MAGI1: variants seen among roughly 807,000 people sequenced by gnomAD.
MAGI1 encodes membrane associated guanylate kinase, WW and PDZ domain containing 1, also known as membrane-associated guanylate kinase, WW and PDZ domain-containing protein 1.
A neutral mutation model predicts 139.9 loss-of-function variants in MAGI1; 58 were observed. The ratio of observed to expected loss-of-function variants is 0.41; its 90% confidence interval spans 0.34 to 0.52. The LOEUF (loss-of-function observed/expected upper bound fraction) is 0.52. Ranked by LOEUF, MAGI1 falls within the 20% of genes least tolerant of loss-of-function variation. The pLI is 0.12. For synonymous variants in MAGI1, 812 were observed against 737.9 expected (o/e 1.10, Z -1.63); for missense variants, 1,874 against 1,901.6 (o/e 0.99, Z 0.27).
At chr3:65,652,690 A>G (rs1350333178) in intron 1 of MAGI1, among the ~76,000 whole-genome samples, 1 of 152,186 alleles carries the variant, frequency 6.6e-6, no homozygotes, top group Non-Finnish European at 1.5e-5. Flanking sequence ...GACTGTCACC[A>G]TTTAGCTTCC....
intron 1 of MAGI1, among the ~76,000 whole-genome samples, chr3:65,910,441 T>G (rs1001913972): frequency 6.6e-6 from 1 of 152,140 alleles, no homozygotes; most frequent in South Asian, 2.1e-4. Context: ...CAAGCACCCT[T>G]GAAAATCAAT....
intron 1 of MAGI1, among the ~76,000 whole-genome samples, chr3:66,024,392 G>A (rs1211481077): frequency 2.7e-5 from 4 of 150,594 alleles, no homozygotes; most frequent in Admixed American, 2.0e-4. Context: ...AGAAACACCG[G>A]GCCAATGTTC....
intron 1 of MAGI1, among the ~76,000 whole-genome samples, chr3:65,646,472 C>G (rs1559751330): frequency 6.6e-6 from 1 of 152,122 alleles, no homozygotes; most frequent in Non-Finnish European, 1.5e-5. Flanking sequence ...ACATCTCTCT[C>G]TCTTTCTCTC....
intron 12 of MAGI1, among the ~76,000 whole-genome samples, chr3:65,426,501 T>C (rs1947053403): frequency 6.6e-6 from 1 of 152,176 alleles, no homozygotes; most frequent in South Asian, 2.1e-4. Flanking sequence ...CAGGAATTCC[T>C]GAGACTCATG....
intron 1 of MAGI1, among the ~76,000 whole-genome samples, chr3:65,733,367 G>A (rs1323726710): frequency 6.6e-6 from 1 of 152,080 alleles, no homozygotes; most frequent in Non-Finnish European, 1.5e-5. Context: ...GCTGTGTTTT[G>A]TGTTTTTAAA....
intron 2 of MAGI1, among the ~76,000 whole-genome samples, chr3:65,578,439 G>T (rs1270584722): frequency 2.6e-5 from 4 of 152,114 alleles, no homozygotes; most frequent in Non-Finnish European, 4.4e-5. Flanking sequence ...AACATTTTTT[G>T]CAGGTTCCAA....
chr3:65,563,736 A>G (rs908956211), intron 2 of MAGI1, among the ~76,000 whole-genome samples: 3 of 152,146 alleles, frequency 2.0e-5, no homozygotes, highest in Non-Finnish European at 2.9e-5. Flanking sequence ...CTAAGATTCA[A>G]TGTTCTCTTC....
chr3:65,888,578 G>A (rs1316715275), intron 1 of MAGI1, among the ~76,000 whole-genome samples: 1 of 152,074 alleles, frequency 6.6e-6, no homozygotes, highest in Non-Finnish European at 1.5e-5. Flanking sequence ...AGAAATGAAA[G>A]GAGATTTAGA....
chr3:65,480,279 T>C (rs1951188956), intron 3 of MAGI1, among the ~76,000 whole-genome samples: 1 of 151,820 alleles, frequency 6.6e-6, no homozygotes, highest in Non-Finnish European at 1.5e-5. Context: ...ATGCCTCTAA[T>C]ACCAGCACAT....
chr3:65,479,328 C>A (rs1951097502), intron 3 of MAGI1, among the ~76,000 whole-genome samples: 1 of 152,082 alleles, frequency 6.6e-6, no homozygotes, highest in African/African-American at 2.4e-5. Context: ...GCTTGACTCT[C>A]AGAGTCATGC....
At chr3:65,520,346 A>G (rs1227964823) in intron 2 of MAGI1, among the ~76,000 whole-genome samples, 1 of 152,208 alleles carries the variant, frequency 6.6e-6, no homozygotes, top group East Asian at 1.9e-4. Context: ...ATCCTTCAAT[A>G]ATATGGTTAA....
At chr3:65,806,873 A>C (rs1227289625) in intron 1 of MAGI1, among the ~76,000 whole-genome samples, 1 of 152,142 alleles carries the variant, frequency 6.6e-6, no homozygotes, top group African/African-American at 2.4e-5. Context: ...GAGGGGAGGG[A>C]GGAGACAGTG....
chr3:65,976,887 T>C (rs2065293437), intron 1 of MAGI1, among the ~76,000 whole-genome samples: 1 of 152,122 alleles, frequency 6.6e-6, no homozygotes, highest in Non-Finnish European at 1.5e-5. Context: ...CACACTTGCT[T>C]TGTTCAAAAG....
At position 65,826,141 on chromosome 3, in the gene MAGI1, C is replaced by T. The variant is rs568727494; in HGVS notation, c.314-204053G>A. Reference sequence around the variant, plus strand: ...ACATATACATGCATGGAAAAAAATACACCAAATGGTAAAAACACATTATCA... The same window carrying T: ...ACATATACATGCATGGAAAAAAATATACCAAATGGTAAAAACACATTATCA... On this transcript the variant is annotated intron_variant, in intron 1 of 22. Transcript: ENST00000402939. Among the ~76,000 whole-genome samples, 7 of 152,034 alleles carry T rather than the reference C, an allele frequency of 4.6e-5. No homozygotes were observed. In the South Asian group the frequency reaches 1.5e-3, roughly 32 times the overall value.
intron 2 of MAGI1, among the ~76,000 whole-genome samples, chr3:65,561,428 C>T (rs1224268567): frequency 6.6e-6 from 1 of 151,994 alleles, no homozygotes; most frequent in East Asian, 1.9e-4. Context: ...ACGAAACCCA[C>T]CACTCAGAAA....
intron 2 of MAGI1, among the ~76,000 whole-genome samples, chr3:65,599,346 A>G (rs1251098064): frequency 6.6e-6 from 1 of 152,192 alleles, no homozygotes; most frequent in African/African-American, 2.4e-5. Context: ...ATAGCAGATG[A>G]GAAAATAAAT....
chr3:65,823,640 C>T (rs892741428), intron 1 of MAGI1, among the ~76,000 whole-genome samples: 23 of 152,172 alleles, frequency 1.5e-4, no homozygotes, highest in Admixed American at 1.4e-3. Flanking sequence ...GGTGGCTTCT[C>T]CTGCAGTACT....
At chr3:65,535,831 C>G (rs949237522) in intron 2 of MAGI1, among the ~76,000 whole-genome samples, 8 of 152,162 alleles carry the variant, frequency 5.3e-5, no homozygotes, top group Non-Finnish European at 1.0e-4. Context: ...TTTTTCTTGA[C>G]AGCTTAAAGT....
intron 1 of MAGI1, among the ~76,000 whole-genome samples, chr3:65,678,755 G>A (rs1476621096): frequency 2.0e-5 from 3 of 152,048 alleles, no homozygotes; most frequent in Non-Finnish European, 4.4e-5. Flanking sequence ...TTGTGTTCAC[G>A]CTCCTTGAAC....
Sources: allele counts gnomAD v4.1 joint callset (sites outside exome capture counted in the v4.1 genomes callset), GRCh38; gene constraint gnomAD v4.1.1; transcripts MANE v1.5; gene names NCBI Gene and HGNC (gene_info 2026-07-23, HGNC 2026-07-21).